Variants in PARD3 observed in about 807,000 individuals in gnomAD.
PARD3 encodes the protein partitioning defective 3 homolog.
A neutral mutation model predicts 155.4 loss-of-function variants in PARD3; 75 were observed. The ratio of observed to expected loss-of-function variants is 0.48; its 90% CI spans 0.40 to 0.58. PARD3 has a LOEUF of 0.58. Ranked by LOEUF, PARD3 falls within the 20% of genes least tolerant of loss-of-function variation. The probability of loss-of-function intolerance (pLI) is 0.00; values close to 1 mark genes in which losing one functional copy is unlikely to be tolerated. For synonymous variants in PARD3, 576 were observed against 610.5 expected, an observed-to-expected ratio of 0.94 and a Z score of 0.83; for missense variants, 1,642 against 1,721.7, an observed-to-expected ratio of 0.95 and a Z score of 0.82.
intron 3 of PARD3, among the ~76,000 whole-genome samples, chr10:34,470,601 C>G (rs186489886): frequency 6.6e-6 from 1 of 152,118 alleles, no homozygotes; most frequent in African/African-American, 2.4e-5. Flanking sequence ...CCTCTTTCAT[C>G]AGGGTAATGT....
At chr10:34,631,333 A>C (rs1387279097) in intron 2 of PARD3, among the ~76,000 whole-genome samples, 1 of 152,154 alleles carries the variant, frequency 6.6e-6, no homozygotes, top group Non-Finnish European at 1.5e-5. Context: ...AGGCAAGTAC[A>C]TTGATTGAAG....
Position 34,361,337 on chromosome 10 carries a change from T to G in PARD3, c.1708-1078A>C, listed in dbSNP as rs570610780. Among the ~76,000 whole-genome samples, 11 of 152,342 alleles carry G rather than the reference T, an allele frequency of 7.2e-5. No homozygotes were observed. The East Asian group carries it at 1.3e-3, about 19-fold the overall frequency. The stretch of plus-strand genomic sequence containing the variant: ...GTTTGAAATATTTCTCCAGCATCTG[T>G]TTAGTCATTCAAGCTTGACTTATCA... On this transcript the variant is annotated intron_variant, in intron 12 of 24. Coordinates refer to ENST00000374788, the MANE Select transcript of PARD3 (RefSeq NM_001184785.2).
chr10:34,217,148 G>A (rs1235823027), intron 22 of PARD3, among the ~76,000 whole-genome samples: 1 of 151,852 alleles, frequency 6.6e-6, no homozygotes, highest in Non-Finnish European at 1.5e-5. Flanking sequence ...AGTAACTCTG[G>A]CCTGCCTTAG....
chr10:34,796,621 A>G (rs970744386), intron 1 of PARD3, among the ~76,000 whole-genome samples: 2 of 152,230 alleles, frequency 1.3e-5, no homozygotes. Context: ...GTTGCAGTAG[A>G]TTTGAAGAAA....
At position 34,317,029 on chromosome 10, in the gene PARD3, C is replaced by G. The variant is rs551238657; in HGVS notation, c.3065+78G>C. The G allele has an allele frequency of 6.2e-4, 836 of 1,350,880 alleles. 18 individuals carry two copies. The South Asian group carries it at 0.012, about 20-fold the overall frequency. The allele number at this position is 1,350,880 out of a possible 1,614,324, so 83.7% of individuals were successfully genotyped here. On this transcript the variant is annotated intron_variant, in intron 20 of 24. Transcript: ENST00000374788. ...GGATTACAGGTGTGCACTACCGTGT[C>G]CAGTTTTTAGTACTTTTTGCTAAGC...
chr10:34,447,476 G>A (rs1303845956), intron 5 of PARD3, among the ~76,000 whole-genome samples: 5 of 58,670 alleles, frequency 8.5e-5, no homozygotes, highest in South Asian at 7.3e-4. Flanking sequence ...GCAAGACTGC[G>A]TCTCAAAAAA....
At chr10:34,646,494 T>C (rs763062431) in intron 2 of PARD3, among the ~76,000 whole-genome samples, 19 of 152,326 alleles carry the variant, frequency 1.2e-4, no homozygotes, top group Admixed American at 6.5e-5. Context: ...AACAGATTAA[T>C]ATCACTTCAT....
chr10:34,625,517 G>T lies in PARD3; in HGVS notation c.222+70801C>A, dbSNP rs774758537. Among the ~76,000 whole-genome samples the T allele has an allele frequency of 6.5e-4, 99 of 152,224 alleles. 2 individuals carry two copies. The highest frequency in any genetic ancestry group is 1.5e-4 in the Non-Finnish European group (10 of 68,044). ...CATGCACTCAAGTTGACACAACGTA[G>T]CTAGAAAAGTACAAGCTCGGTCATT... On this transcript the variant is annotated intron_variant, in intron 2 of 24. Transcript: ENST00000374788.
intron 2 of PARD3, among the ~76,000 whole-genome samples, chr10:34,657,895 C>A (rs2093219631): frequency 6.6e-6 from 1 of 151,716 alleles, no homozygotes; most frequent in Non-Finnish European, 1.5e-5. Context: ...GCCTATAATC[C>A]CAGCACTTTG....
At chr10:34,685,402 G>A (rs1334469058) in intron 2 of PARD3, among the ~76,000 whole-genome samples, 3 of 152,082 alleles carry the variant, frequency 2.0e-5, no homozygotes, top group African/African-American at 7.2e-5. Flanking sequence ...GGAAGGCAAG[G>A]AATTCAACAA....
At chr10:34,410,785 G>T (rs1183275824) in intron 5 of PARD3, among the ~76,000 whole-genome samples, 1 of 152,164 alleles carries the variant, frequency 6.6e-6, no homozygotes, top group Non-Finnish European at 1.5e-5. Flanking sequence ...ACAGAGATAA[G>T]CTGTGGGAGA....
intron 1 of PARD3, among the ~76,000 whole-genome samples, chr10:34,711,384 G>A (rs2094446978): frequency 6.6e-6 from 1 of 152,078 alleles, no homozygotes; most frequent in South Asian, 2.1e-4. Context: ...AGCTGGGCGT[G>A]GTGATGGGCA....
At chr10:34,666,217 C>CAA (rs72060788) in intron 2 of PARD3, among the ~76,000 whole-genome samples, 48,969 of 119,122 alleles carry the variant, frequency 0.41, 8,431 homozygotes, top group South Asian at 0.5. Flanking sequence ...AAGATCTTAT[C>CAA]AAAAAAAAAA....
chr10:34,777,304 C>T (rs1217900676), intron 1 of PARD3, among the ~76,000 whole-genome samples: 2 of 152,198 alleles, frequency 1.3e-5, no homozygotes, highest in Non-Finnish European at 2.9e-5. Flanking sequence ...CTGGTGGACT[C>T]AGCCAGATCT....
chr10:34,249,759 A>T (rs1954181422), intron 22 of PARD3, among the ~76,000 whole-genome samples: 1 of 152,140 alleles, frequency 6.6e-6, no homozygotes, highest in Non-Finnish European at 1.5e-5. Context: ...TTTTCTGCAC[A>T]AGCATCCTAT....
At chr10:34,494,467 A>C (rs1267340326) in intron 3 of PARD3, among the ~76,000 whole-genome samples, 1 of 152,204 alleles carries the variant, frequency 6.6e-6, no homozygotes, top group Non-Finnish European at 1.5e-5. Context: ...GAAGGAAGAG[A>C]GATGTGAATT....
chr10:34,500,072 T>C (rs1277941007), intron 3 of PARD3, among the ~76,000 whole-genome samples: 1 of 152,244 alleles, frequency 6.6e-6, no homozygotes, highest in Non-Finnish European at 1.5e-5. Context: ...AAGCCATGGA[T>C]GTAGAACACA....
intron 12 of PARD3, among the ~76,000 whole-genome samples, chr10:34,360,539 T>C (rs1002834236): frequency 4.6e-5 from 7 of 152,170 alleles, no homozygotes; most frequent in Non-Finnish European, 7.3e-5. Flanking sequence ...GACTAAAGAC[T>C]AGTAGATTTC....
At chr10:34,308,502 G>A (rs1390582387) in intron 20 of PARD3, among the ~76,000 whole-genome samples, 1 of 152,182 alleles carries the variant, frequency 6.6e-6, no homozygotes, top group Admixed American at 6.5e-5. Context: ...GGGAAAATCA[G>A]GTGTCAAGGA....
Sources: allele counts gnomAD v4.1 joint callset (sites outside exome capture counted in the v4.1 genomes callset), GRCh38; gene constraint gnomAD v4.1.1; transcripts MANE v1.5; gene names NCBI Gene and HGNC (gene_info 2026-07-23, HGNC 2026-07-21).